Variants in XKR4 observed in about 807,000 individuals in gnomAD.
The protein encoded by XKR4 is XK related 4, also known as XK-related protein 4.
XKR4 carries 12 observed loss-of-function variants against 53.9 expected under a neutral mutation model. The observed-to-expected ratio is 0.22, with a 90% confidence interval of 0.14 to 0.36. The LOEUF (loss-of-function observed/expected upper bound fraction) is 0.36, where lower values mean the gene tolerates loss of function less well. XKR4 is among the 10% of genes least tolerant of loss of function. XKR4 has a pLI of 1.00. For synonymous variants in XKR4, 354 were observed against 362.4 expected, an observed-to-expected ratio of 0.98 and a Z score of 0.26; for missense variants, 799 against 859.5, an observed-to-expected ratio of 0.93 and a Z score of 0.88.
At chr8:55,136,157 G>T (rs1816626361) in intron 1 of XKR4, among the ~76,000 whole-genome samples, 1 of 152,196 alleles carries the variant, frequency 6.6e-6, no homozygotes, top group Admixed American at 6.5e-5. Context: ...CTCCCAAAGT[G>T]CTGGGATTAC....
chr8:55,354,144 T>C (rs1803765656), intron 1 of XKR4, among the ~76,000 whole-genome samples: 1 of 152,058 alleles, frequency 6.6e-6, no homozygotes, highest in Admixed American at 6.6e-5. Flanking sequence ...CAATGTGATA[T>C]CAAAACCATG....
At chr8:55,297,655 A>G (rs1257571454) in intron 1 of XKR4, among the ~76,000 whole-genome samples, 1 of 152,238 alleles carries the variant, frequency 6.6e-6, no homozygotes, top group African/African-American at 2.4e-5. Context: ...TTTTTAACAC[A>G]TAAGTTTTTA....
chr8:55,156,430 G>A (rs1816907945), intron 1 of XKR4, among the ~76,000 whole-genome samples: 1 of 132,768 alleles, frequency 7.5e-6, no homozygotes, highest in African/African-American at 2.7e-5. Flanking sequence ...GGGGTGGGGA[G>A]AGGGAGGAAG....
intron 1 of XKR4, among the ~76,000 whole-genome samples, chr8:55,217,241 C>CAAAAAAAA (rs35294638): frequency 1.9e-5 from 2 of 106,028 alleles, no homozygotes; most frequent in Non-Finnish European, 1.8e-5. Flanking sequence ...GACTCTGTCT[C>CAAAAAAAA]AAAAAAAAAA....
intron 1 of XKR4, among the ~76,000 whole-genome samples, chr8:55,224,158 A>G (rs1817922305): frequency 1.3e-5 from 2 of 151,880 alleles, no homozygotes; most frequent in African/African-American, 4.8e-5. Context: ...TAAGAATTAT[A>G]TTCTTTTATT....
intron 1 of XKR4, among the ~76,000 whole-genome samples, chr8:55,311,181 A>G (rs1017150913): frequency 4.6e-5 from 7 of 152,330 alleles, no homozygotes; most frequent in Non-Finnish European, 1.0e-4. Flanking sequence ...AAGGGACCCA[A>G]GGGAAAACCA....
chr8:55,426,978 G>A lies in XKR4; in HGVS notation c.1006+69101G>A, dbSNP rs117047840. On this transcript the variant is annotated intron_variant, in intron 2 of 2. Coordinates refer to ENST00000327381, the MANE Select transcript of XKR4 (RefSeq NM_052898.2). ...TGATTTCCTACCACTGCCTACAGTTGCTATTCACAGCAAATTATTTACCAG... is the reference window on the plus strand; with the variant it reads ...TGATTTCCTACCACTGCCTACAGTTACTATTCACAGCAAATTATTTACCAG... 2.0e-3 allele frequency among the ~76,000 whole-genome samples: 303 copies of A among 152,272 alleles called. 1 individual carries two copies. The highest frequency in any genetic ancestry group is 2.9e-3 in the Non-Finnish European group (197 of 68,012).
intron 1 of XKR4, among the ~76,000 whole-genome samples, chr8:55,183,585 A>G (rs1191594169): frequency 1.3e-5 from 2 of 152,110 alleles, no homozygotes; most frequent in Non-Finnish European, 2.9e-5. Flanking sequence ...TAATCCCATT[A>G]TGACCTGAGA....
intron 2 of XKR4, among the ~76,000 whole-genome samples, chr8:55,405,355 G>T (rs1235147306): frequency 2.0e-5 from 3 of 152,210 alleles, no homozygotes; most frequent in African/African-American, 4.8e-5. Context: ...TCCCTGGAAA[G>T]CTTAAATTAT....
chr8:55,178,970 T>A (rs1246933692), intron 1 of XKR4, among the ~76,000 whole-genome samples: 4 of 152,070 alleles, frequency 2.6e-5, no homozygotes, highest in Non-Finnish European at 4.4e-5. Flanking sequence ...TATGGCATAG[T>A]TAAGTGGATT....
In XKR4 at chr8:55,523,292, G is replaced by T; in HGVS notation, c.1018G>T (p.Ala340Ser). 1 of 1,601,592 alleles carries T rather than the reference G, an allele frequency of 6.2e-7. No homozygotes were observed. Among genetic ancestry groups the T allele is most frequent in the South Asian group, 1.1e-5 (1 of 89,442 alleles). ...GTTTGCCTTTGTAGGTTTCACAGCG[G>T]CAGCTTCCCTCGTGTCCCTGGCCTG... is the stretch of plus-strand genomic sequence containing the variant. ...SLQALQGFTA[A>S]ASLVSLAWAL... Residue 340 changes from alanine (A) to serine (S), a missense_variant, in exon 3 of 3, where the codon GCA (alanine) becomes TCA (serine). By Grantham distance (99) the Ala-to-Ser change is moderately conservative (BLOSUM62 1). This residue lies in a region of XKR4 where 476 missense variants were observed against 505.4 expected (regional missense o/e 0.94). Coordinates refer to ENST00000327381, the MANE Select transcript of XKR4 (RefSeq NM_052898.2).
chr8:55,188,517 A>C (rs1297661218), intron 1 of XKR4, among the ~76,000 whole-genome samples: 1 of 152,222 alleles, frequency 6.6e-6, no homozygotes, highest in Non-Finnish European at 1.5e-5. Context: ...ACAGTCGTTC[A>C]ACAGCTCCTG....
chr8:55,223,389 A>T (rs917595137), intron 1 of XKR4, among the ~76,000 whole-genome samples: 3 of 152,212 alleles, frequency 2.0e-5, no homozygotes, highest in Non-Finnish European at 2.9e-5. Context: ...TCAGTAATAT[A>T]TGGGACACTG....
rs1192680632 is a variant in XKR4 at position 55,527,791 on chromosome 8, G to C, written c.*3564G>C. 6.6e-6 allele frequency: 1 copy of C among 152,178 alleles called. No individual in the cohort carries two copies. Among genetic ancestry groups the C allele is most frequent in the Non-Finnish European group, 1.5e-5 (1 of 68,012 alleles). 9.4% of individuals were successfully genotyped at this position (152,178 alleles called of 1,614,324 possible). ...TTCAAGTATTAGCAAAAGATAATCT[G>C]AGGATAAAAGTAAAATGAAGTATTT... On this transcript the variant is annotated 3_prime_UTR_variant, in exon 3 of 3. Coordinates refer to ENST00000327381, the MANE Select transcript of XKR4 (RefSeq NM_052898.2).
At chr8:55,159,373 A>T (rs1468586862) in intron 1 of XKR4, among the ~76,000 whole-genome samples, 2 of 152,250 alleles carry the variant, frequency 1.3e-5, no homozygotes, top group Non-Finnish European at 2.9e-5. Context: ...ATTCTAGCAG[A>T]CAAGACAAAT....
intron 2 of XKR4, among the ~76,000 whole-genome samples, chr8:55,479,179 C>T (rs534264995): frequency 1.3e-5 from 2 of 152,118 alleles, no homozygotes; most frequent in South Asian, 2.1e-4. Flanking sequence ...ATATAAAAGA[C>T]AGAAATTATA....
chr8:55,380,120 C>T (rs958927132), intron 2 of XKR4, among the ~76,000 whole-genome samples: 1 of 152,224 alleles, frequency 6.6e-6, no homozygotes, highest in Non-Finnish European at 1.5e-5. Context: ...TGTCTGAATG[C>T]TCCATTGGTT....
intron 1 of XKR4, among the ~76,000 whole-genome samples, chr8:55,189,045 G>A (rs552426621): frequency 4.2e-4 from 64 of 152,222 alleles, no homozygotes; most frequent in African/African-American, 1.4e-3. Flanking sequence ...TGTAATTTGA[G>A]GTCCAAGCTG....
intron 2 of XKR4, among the ~76,000 whole-genome samples, chr8:55,427,803 A>T (rs904449992): frequency 3.3e-5 from 5 of 152,196 alleles, no homozygotes; most frequent in African/African-American, 1.2e-4. Flanking sequence ...TTGTTTATTT[A>T]TCCAACAAAT....
Sources: allele counts gnomAD v4.1 joint callset (sites outside exome capture counted in the v4.1 genomes callset), GRCh38; gene constraint gnomAD v4.1.1; regional missense constraint gnomAD v4.1.1; transcripts MANE v1.5; gene names NCBI Gene and HGNC (gene_info 2026-07-23, HGNC 2026-07-21).